DNAH10: variants seen among roughly 807,000 people sequenced by gnomAD.
The protein encoded by DNAH10 is axonemal beta dynein heavy chain 10.
DNAH10 carries 348 observed loss-of-function variants against 506.6 expected under a neutral mutation model. The ratio of observed to expected loss-of-function variants is 0.69; its 90% confidence interval spans 0.63 to 0.75. The LOEUF (loss-of-function observed/expected upper bound fraction) is 0.75. Among genes scored for constraint, DNAH10 ranks in the 30% least tolerant of loss-of-function variants. The pLI, the probability that DNAH10 is intolerant of heterozygous loss-of-function variation, is 0.00. For synonymous variants in DNAH10, 2,059 were observed against 2,198.6 expected, an observed-to-expected ratio of 0.94 and a Z score of 1.78; for missense variants, 5,179 against 5,787.1, an observed-to-expected ratio of 0.89 and a Z score of 3.41.
Position 123,926,792 on chromosome 12 carries a change from T to C in DNAH10, c.12077T>C (p.Phe4026Ser). The C allele has an allele frequency of 3.1e-6, 5 of 1,613,958 alleles. No individual in the cohort carries two copies. The highest frequency in any genetic ancestry group is 3.4e-6 in the Non-Finnish European group (4 of 1,179,900). The change falls in exon 69 of 79, where the codon TTC becomes TCC. Residue 4026 changes from phenylalanine to serine, a missense_variant. Physicochemically the swap from Phe to Ser is radical, Grantham distance 155. Transcript: ENST00000673944. This position sits in a 1 kb window ranked among gnomAD's most constrained non-coding sequence, Gnocchi z 4.1. ...RSGFGGNRLKFLAMGQGQEKV... is the reference protein window; with the variant it reads ...RSGFGGNRLKSLAMGQGQEKV... ...GGTTTTGGAGGAAATCGCCTCAAAT[T>C]CCTTGCAATGGGTCAAGGTCAAGAA...
At chr12:123,861,640 C>T (rs1040283596) in intron 39 of DNAH10, among the ~76,000 whole-genome samples, 2 of 152,240 alleles carry the variant, frequency 1.3e-5, no homozygotes, top group African/African-American at 4.8e-5. Context: ...GCCCTGATGA[C>T]ATCACCACAT....
At chr12:123,870,596 G>T in intron 44 of DNAH10, 111 bp downstream of exon 44, 3 of 1,412,470 alleles carry the variant, frequency 2.1e-6, no homozygotes, top group Non-Finnish European at 2.8e-6. Context: ...CCCACGCAGA[G>T]AGCTGGTAGA....
intron 51 of DNAH10, among the ~76,000 whole-genome samples, chr12:123,885,658 A>C (rs980824788): frequency 1.3e-5 from 2 of 152,188 alleles, no homozygotes; most frequent in African/African-American, 4.8e-5. Context: ...AAGGAAAGGA[A>C]AAAAGTGTCC....
chr12:123,784,217 A>G (rs1957769239), intron 8 of DNAH10, 40 bp downstream of exon 8: 1 of 1,569,034 alleles, frequency 6.4e-7, no homozygotes, highest in African/African-American at 1.4e-5. Context: ...AGCTCTGTCA[A>G]AGAGATTTCA....
chr12:123,767,743 G>T lies in DNAH10; in HGVS notation c.298+54G>T, dbSNP rs1419967838. Reference sequence around the variant, plus strand: ...GTGGAACTGAGAAAGCCCCCCCGCAGCGGGAGTAGGGTGCTGCCTGCCGTG... The same window carrying T: ...GTGGAACTGAGAAAGCCCCCCCGCATCGGGAGTAGGGTGCTGCCTGCCGTG... On this transcript the variant is annotated intron_variant, in intron 2 of 78. Transcript: ENST00000673944. 4.0e-6 allele frequency: 6 copies of T among 1,493,480 alleles called. No homozygotes were observed. In the African/African-American group the frequency reaches 6.9e-5, roughly 17 times the overall value. The allele number at this position is 1,493,480 out of a possible 1,614,324, so 92.5% of individuals were successfully genotyped here. A position where few individuals can be genotyped will look rare whatever the true frequency, so the allele number is the denominator to read the frequency against.
chr12:123,853,830 ACACACG>A lies in DNAH10; in HGVS notation c.6438+488_6438+493del, dbSNP rs1353251892. Among the ~76,000 whole-genome samples, 1 of 150,504 alleles carries A rather than the reference ACACACG, an allele frequency of 6.6e-6. No individual in the cohort carries two copies. Among genetic ancestry groups the A allele is most frequent in the Non-Finnish European group, 1.5e-5 (1 of 67,632 alleles). On this transcript the variant is annotated intron_variant, in intron 36 of 78. Coordinates refer to ENST00000673944, the MANE Select transcript of DNAH10 (RefSeq NM_001372106.1). The surrounding 1 kb of genome is among the most constrained non-coding windows in gnomAD (Gnocchi z 4.7). ...ATGTTGCACGCACACACGCACGCAC[ACACACG>A]CACACGCACGGACACACGCACGCGC...
chr12:123,930,684 C>A, intron 73 of DNAH10, 111 bp downstream of exon 73: 2 of 1,188,454 alleles, frequency 1.7e-6, no homozygotes, highest in Non-Finnish European at 2.3e-6. Context: ...CAGGTGTGGT[C>A]TGTTAAGCCT....
At chr12:123,811,497 A>G (rs1418907049) in intron 19 of DNAH10, among the ~76,000 whole-genome samples, 1 of 143,770 alleles carries the variant, frequency 7.0e-6, no homozygotes, top group Non-Finnish European at 1.5e-5. Flanking sequence ...TAATTTTTGT[A>G]TTTTTATTTA....
intron 53 of DNAH10, 55 bp from the exon 54 acceptor site, chr12:123,894,588 T>C: frequency 6.6e-7 from 1 of 1,524,620 alleles, no homozygotes; most frequent in Non-Finnish European, 9.1e-7. Context: ...AGAGACAGGG[T>C]CTCGCCACAT....
rs1178446521 is a variant in DNAH10, at chr12:123,925,222, T to C, written c.11921+18T>C. ...GGAGAGAAGTAAGTGTGTCGTTTTG[T>C]TGATTTGCCACTTTCCGTGGGGTGG... On this transcript the variant is annotated intron_variant, in intron 68 of 78. Coordinates refer to ENST00000673944, the MANE Select transcript of DNAH10 (RefSeq NM_001372106.1). The surrounding 1 kb of genome is among the most constrained non-coding windows in gnomAD (Gnocchi z 4.0). The C allele has an allele frequency of 6.2e-7, 1 of 1,613,490 alleles. No individual in the cohort carries two copies. The highest frequency in any genetic ancestry group is 8.5e-7 in the Non-Finnish European group (1 of 1,179,402).
At position 123,783,234 on chromosome 12, in the gene DNAH10, G is replaced by T. The variant is rs145045672; in HGVS notation, c.969G>T (p.Ala323=). ...ACTGGCTGAATCAGATATCCACAGC[G>T]GTTGAGGCCCAACTGAAGAAGACAC... ...VINWLNQIST[A]VEAQLKKTPQ... The change falls in exon 7 of 79, where the codon GCG becomes GCT. Residue 323 remains alanine, a synonymous_variant. Transcript: ENST00000673944. 4.3e-6 allele frequency: 7 copies of T among 1,613,994 alleles called. No homozygotes were observed. The highest frequency in any genetic ancestry group is 1.3e-5 in the African/African-American group (1 of 74,908).
chr12:123,788,771 C>G (rs1555216563), intron 10 of DNAH10, among the ~76,000 whole-genome samples: 1 of 151,726 alleles, frequency 6.6e-6, no homozygotes, highest in Non-Finnish European at 1.5e-5. Flanking sequence ...ATTGAAAATA[C>G]AAAAATTAGC....
intron 55 of DNAH10, 69 bp downstream of exon 55, chr12:123,898,036 C>T: frequency 7.1e-7 from 1 of 1,408,378 alleles, no homozygotes; most frequent in Non-Finnish European, 9.4e-7. Context: ...GAGCGCTGAT[C>T]TTTTCTTTAG....
intron 34 of DNAH10, among the ~76,000 whole-genome samples, chr12:123,849,597 C>T (rs1164312039): frequency 1.3e-5 from 2 of 152,234 alleles, no homozygotes; most frequent in Admixed American, 6.5e-5. Context: ...GTCCTCCCCC[C>T]TCCATGCCCT....
At chr12:123,887,441 C>T in intron 52 of DNAH10, 128 bp downstream of exon 52, 2 of 1,117,378 alleles carry the variant, frequency 1.8e-6, no homozygotes, top group South Asian at 3.5e-5. Context: ...GTTCCTCCCT[C>T]ACGGCGGCCC....
chr12:123,887,646 A>C (rs767859201), intron 52 of DNAH10, among the ~76,000 whole-genome samples: 1 of 152,158 alleles, frequency 6.6e-6, no homozygotes, highest in African/African-American at 2.4e-5. Flanking sequence ...ATGAGAGGCC[A>C]GGTGTGGTGC....
At chr12:123,839,660 C>CTTTTTT (rs1341595657) in intron 29 of DNAH10, among the ~76,000 whole-genome samples, 8 of 113,580 alleles carry the variant, frequency 7.0e-5, no homozygotes, top group African/African-American at 1.7e-4. Context: ...ATTTTCTTTT[C>CTTTTTT]TATTTTTTTT....
chr12:123,852,889 TA>T (rs1312988888), intron 35 of DNAH10, among the ~76,000 whole-genome samples: 2 of 152,190 alleles, frequency 1.3e-5, no homozygotes, highest in Non-Finnish European at 2.9e-5. Flanking sequence ...ACAGCCTTAA[TA>T]ATAGGTTTAG....
At position 123,878,025 on chromosome 12, in the gene DNAH10, A is replaced by G. The variant is rs1952337396; in HGVS notation, c.8372+117A>G. 3 of 1,304,236 alleles carry G rather than the reference A, an allele frequency of 2.3e-6. No homozygotes were observed. The Admixed American group carries it at 6.8e-5, about 30-fold the overall frequency. 80.8% of individuals were successfully genotyped at this position (1,304,236 alleles called of 1,614,324 possible). ...AATCGTTGTATGAATTAATTACCCA[A>G]TGTCTTTGCTTATGTTGAAGAAGAG... On this transcript the variant is annotated intron_variant, in intron 48 of 78. Coordinates refer to ENST00000673944, the MANE Select transcript of DNAH10 (RefSeq NM_001372106.1).
Sources: allele counts gnomAD v4.1 joint callset (sites outside exome capture counted in the v4.1 genomes callset), GRCh38; gene constraint gnomAD v4.1.1; non-coding constraint Gnocchi (gnomAD v3.1); transcripts MANE v1.5; gene names NCBI Gene and HGNC (gene_info 2026-07-23, HGNC 2026-07-21).